Variants in CCSER2 observed in about 807,000 individuals in gnomAD.
CCSER2 encodes coiled-coil serine rich protein 2, also known as serine-rich coiled-coil domain-containing protein 2.
CCSER2 carries 46 observed loss-of-function variants against 92.3 expected under a neutral mutation model. The observed-to-expected ratio is 0.50, with a 90% CI of 0.39 to 0.64. The LOEUF (loss-of-function observed/expected upper bound fraction) is 0.64, where lower values mean the gene tolerates loss of function less well. Among genes scored for constraint, CCSER2 ranks in the 30% least tolerant of loss-of-function variants. The pLI, the probability that CCSER2 is intolerant of heterozygous loss-of-function variation, is 0.00. For missense variants in CCSER2, 1,244 were observed against 1,238.9 expected (o/e 1.00, Z -0.06); for synonymous variants, 433 against 431.4 (o/e 1.00, Z -0.04).
chr10:84,437,234 C>T, intron 5 of CCSER2, among the ~76,000 whole-genome samples: 1 of 152,004 alleles, frequency 6.6e-6, no homozygotes, highest in East Asian at 1.9e-4. Flanking sequence ...ATTAGAAGTT[C>T]TCGGCCGGGC....
intron 9 of CCSER2, among the ~76,000 whole-genome samples, chr10:84,478,931 C>T (rs976032528): frequency 2.0e-5 from 3 of 152,200 alleles, no homozygotes; most frequent in Admixed American, 6.5e-5. Context: ...TGTTTGCAGA[C>T]AGTTGTTTAA....
intron 7 of CCSER2, among the ~76,000 whole-genome samples, chr10:84,467,199 G>GA (rs1846497805): frequency 6.6e-6 from 1 of 152,226 alleles, no homozygotes; most frequent in African/African-American, 2.4e-5. Flanking sequence ...TGGCTTTTGT[G>GA]TCACTTCTCT....
At chr10:84,386,999 T>C (rs944238036) in intron 3 of CCSER2, among the ~76,000 whole-genome samples, 2 of 152,140 alleles carry the variant, frequency 1.3e-5, no homozygotes, top group Non-Finnish European at 2.9e-5. Flanking sequence ...GTTCACTGTT[T>C]GGGTGATGGG....
At chr10:84,393,334 TA>T (rs953294242) in intron 3 of CCSER2, among the ~76,000 whole-genome samples, 4 of 152,158 alleles carry the variant, frequency 2.6e-5, no homozygotes, top group Non-Finnish European at 4.4e-5. Flanking sequence ...TTCTAAAATT[TA>T]AATTACGTGG....
chr10:84,434,255 C>A (rs200642547), intron 5 of CCSER2, among the ~76,000 whole-genome samples: 2 of 152,128 alleles, frequency 1.3e-5, no homozygotes, highest in East Asian at 3.8e-4. Context: ...GAAACTGCAT[C>A]ATCTTCTCAG....
At chr10:84,431,310 G>A (rs1843748929) in intron 5 of CCSER2, among the ~76,000 whole-genome samples, 1 of 151,878 alleles carries the variant, frequency 6.6e-6, no homozygotes, top group Non-Finnish European at 1.5e-5. Context: ...TGATCTTTTT[G>A]CTGTTTCTAC....
At position 84,372,108 on chromosome 10, in the gene CCSER2, T is replaced by G. The variant is rs907272809; in HGVS notation, c.1056T>G (p.Ala352=). ...SPADTCVEED[A]TVLAKDRAAN... is the part of the protein sequence containing the mutation. ...CTGACACATGTGTAGAGGAAGATGCTACAGTTTTGGCTAAGGACAGAGCTG... is the reference window on the plus strand; with the variant it reads ...CTGACACATGTGTAGAGGAAGATGCGACAGTTTTGGCTAAGGACAGAGCTG... Residue 352 remains alanine, a synonymous_variant, in exon 2 of 10, where the codon GCT becomes GCG. Transcript: ENST00000372088. 2.5e-6 allele frequency: 4 copies of G among 1,613,576 alleles called. No homozygotes were observed. In the African/African-American group the frequency reaches 5.3e-5, roughly 22 times the overall value.
intron 5 of CCSER2, among the ~76,000 whole-genome samples, chr10:84,429,335 T>C (rs1843632443): frequency 6.6e-6 from 1 of 152,168 alleles, no homozygotes; most frequent in Non-Finnish European, 1.5e-5. Context: ...CTCATATATC[T>C]CTAATTGTTC....
chr10:84,383,157 A>C (rs545964149), intron 3 of CCSER2, among the ~76,000 whole-genome samples: 1 of 145,782 alleles, frequency 6.9e-6, no homozygotes, highest in Non-Finnish European at 1.5e-5. Context: ...AAAAATATCA[A>C]ACCTGGTTTA....
At chr10:84,396,554 A>G (rs554390077) in intron 3 of CCSER2, among the ~76,000 whole-genome samples, 4 of 152,090 alleles carry the variant, frequency 2.6e-5, no homozygotes, top group East Asian at 3.9e-4. Flanking sequence ...TTCTGCCCAC[A>G]TCGTGGTTTA....
chr10:84,425,042 T>C, intron 4 of CCSER2: 1 of 977,464 alleles, frequency 1.0e-6, no homozygotes, highest in African/African-American at 1.7e-5. Flanking sequence ...GAGGAAAAAG[T>C]ATTTGGGTAA....
intron 6 of CCSER2, among the ~76,000 whole-genome samples, chr10:84,447,909 C>T (rs186835271): frequency 5.3e-5 from 8 of 152,226 alleles, no homozygotes; most frequent in East Asian, 1.9e-4. Flanking sequence ...TGGGCTCAAC[C>T]GATCCTCCCA....
At chr10:84,422,734 T>G (rs1213628533) in intron 4 of CCSER2, among the ~76,000 whole-genome samples, 1 of 152,154 alleles carries the variant, frequency 6.6e-6, no homozygotes, top group Non-Finnish European at 1.5e-5. Flanking sequence ...TTTCTTAATC[T>G]TATCTGTCCT....
chr10:84,349,056 T>G (rs1444222388), intron 1 of CCSER2, among the ~76,000 whole-genome samples: 1 of 152,228 alleles, frequency 6.6e-6, no homozygotes, highest in African/African-American at 2.4e-5. Flanking sequence ...TTCCAATTTT[T>G]TTTTCAATTG....
chr10:84,377,934 T>C (rs552144919), intron 3 of CCSER2, among the ~76,000 whole-genome samples: 1 of 152,348 alleles, frequency 6.6e-6, no homozygotes, highest in Non-Finnish European at 1.5e-5. Context: ...CTAATAACCT[T>C]GTAAATTCAT....
intron 9 of CCSER2, among the ~76,000 whole-genome samples, chr10:84,486,622 C>A (rs1847824966): frequency 6.6e-6 from 1 of 152,080 alleles, no homozygotes; most frequent in Admixed American, 6.6e-5. Flanking sequence ...TGTTTGAGTT[C>A]TTTGCAGATT....
intron 3 of CCSER2, among the ~76,000 whole-genome samples, chr10:84,376,111 A>C (rs928998360): frequency 2.0e-5 from 3 of 152,124 alleles, no homozygotes; most frequent in Non-Finnish European, 4.4e-5. Flanking sequence ...ATGTGTTGAT[A>C]TACATTCTGA....
chr10:84,416,938 A>C (rs545049282), intron 3 of CCSER2, among the ~76,000 whole-genome samples: 1 of 152,358 alleles, frequency 6.6e-6, no homozygotes. Context: ...CAAAAAAAAA[A>C]GAGTTTTTTA....
rs887558891 is a variant in CCSER2 at position 84,503,495 on chromosome 10, A to T, written c.2326-9954A>T. ...TTCTACTCTAATTTCCAACTGTGTA[A>T]AATTGGGAGTAATAAATAACCTACC... is the stretch of plus-strand genomic sequence containing the variant. On this transcript the variant is annotated intron_variant, in intron 9 of 9. Transcript: ENST00000372088. Among the ~76,000 whole-genome samples, 3 of 152,300 alleles carry T rather than the reference A, an allele frequency of 2.0e-5. No homozygotes were observed. The South Asian group carries it at 6.2e-4, about 32-fold the overall frequency.
Sources: gnomAD v4.1 joint callset for allele counts (sites outside exome capture counted in the v4.1 genomes callset) on GRCh38, gnomAD v4.1.1 for gene constraint, MANE v1.5 for transcripts, NCBI Gene and HGNC (gene_info 2026-07-23, HGNC 2026-07-21) for gene names.